The following TRPM6 variants were observed in gnomAD, a reference collection of about 807,000 sequenced individuals.
TRPM6 encodes transient receptor potential cation channel subfamily M member 6.
TRPM6 carries 111 observed loss-of-function variants against 247.6 expected under a neutral mutation model. The ratio of observed to expected loss-of-function variants is 0.45; its 90% CI spans 0.38 to 0.52. The LOEUF is 0.52. Ranked by LOEUF, TRPM6 falls within the 20% of genes least tolerant of loss-of-function variation. The pLI, the probability that TRPM6 is intolerant of heterozygous loss-of-function variation, is 0.00. For missense variants in TRPM6, 2,126 were observed against 2,421.5 expected (o/e 0.88, Z 2.56); for synonymous variants, 892 against 853.8 (o/e 1.04, Z -0.78).
chr9:74,872,530 A>C (rs191486899), intron 1 of TRPM6, among the ~76,000 whole-genome samples: 1 of 152,190 alleles, frequency 6.6e-6, no homozygotes, highest in East Asian at 1.9e-4. Flanking sequence ...CGCAATGCTC[A>C]AGCAATTCTC....
intron 13 of TRPM6, 32 bp from the exon 14 acceptor site, chr9:74,808,206 T>C (rs775633802): frequency 1.1e-5 from 18 of 1,613,378 alleles, no homozygotes; most frequent in African/African-American, 2.7e-5. Flanking sequence ...ACTTTTAACT[T>C]TTAGTTATCT....
chr9:74,852,780 C>T (rs1021336160), intron 3 of TRPM6, among the ~76,000 whole-genome samples: 1 of 152,182 alleles, frequency 6.6e-6, no homozygotes, highest in Non-Finnish European at 1.5e-5. Context: ...GACGGAGTCT[C>T]GCTCACTCAG....
intron 1 of TRPM6, among the ~76,000 whole-genome samples, chr9:74,868,057 G>A (rs995997852): frequency 6.6e-6 from 1 of 151,492 alleles, no homozygotes; most frequent in Non-Finnish European, 1.5e-5. Flanking sequence ...AGGAGGCTGA[G>A]GCAGGAGAAT....
In TRPM6 at chr9:74,724,474, T is replaced by G; in HGVS notation, c.*139A>C. 7.9e-7 allele frequency: 1 copy of G among 1,272,782 alleles called. No homozygotes were observed. Among genetic ancestry groups the G allele is most frequent in the Non-Finnish European group, 1.1e-6 (1 of 882,308 alleles). 78.8% of individuals were successfully genotyped at this position (1,272,782 alleles called of 1,614,324 possible). ...ATTGATCATATACCAATGAGGCCTTTGAACAGAAGGAGATGTGAGGCTCAG... is the reference window on the plus strand; with the variant it reads ...ATTGATCATATACCAATGAGGCCTTGGAACAGAAGGAGATGTGAGGCTCAG... On this transcript the variant is annotated 3_prime_UTR_variant, in exon 39 of 39. Transcript: ENST00000360774.
chr9:74,836,750 G>C (rs1235555115), intron 5 of TRPM6, among the ~76,000 whole-genome samples: 1 of 152,156 alleles, frequency 6.6e-6, no homozygotes, highest in Admixed American at 6.5e-5. Flanking sequence ...TGCAGTCCCT[G>C]TCCCCTGCCA....
At chr9:74,853,208 C>T (rs1456779696) in intron 3 of TRPM6, among the ~76,000 whole-genome samples, 5 of 151,516 alleles carry the variant, frequency 3.3e-5, no homozygotes, top group Non-Finnish European at 7.4e-5. Context: ...GAAGCCCCTC[C>T]GCCCGGCAGC....
At chr9:74,797,363 A>T (rs1828135234) in intron 17 of TRPM6, among the ~76,000 whole-genome samples, 1 of 152,210 alleles carries the variant, frequency 6.6e-6, no homozygotes. Flanking sequence ...AGGATACCAA[A>T]ATCTGAGGCT....
At position 74,827,878 on chromosome 9, in the gene TRPM6, G is replaced by A. The variant is rs879040180; in HGVS notation, c.741C>T (p.His247=). The change falls in exon 7 of 39, where the codon CAC becomes CAT. Residue 247 remains histidine, a synonymous_variant. Transcript: ENST00000360774. ...KLTTLNSMHS[H]FILSDDGTVG... is the part of the protein sequence containing the mutation. ...CGGTCCCATCATCAGACAGGATGAAGTGCGAGTGCATGCTGTTGAGTGTTG... is the reference window on the plus strand; with the variant it reads ...CGGTCCCATCATCAGACAGGATGAAATGCGAGTGCATGCTGTTGAGTGTTG... 13 of 1,614,002 alleles carry A rather than the reference G, an allele frequency of 8.1e-6. No individual in the cohort carries two copies. The Admixed American group carries it at 1.8e-4, about 23-fold the overall frequency.
At chr9:74,839,777 G>A (rs1829853741) in intron 5 of TRPM6, among the ~76,000 whole-genome samples, 1 of 151,318 alleles carries the variant, frequency 6.6e-6, no homozygotes, top group Admixed American at 6.6e-5. Context: ...ACATATCCTA[G>A]GAGTGCTACA....
At chr9:74,725,359 T>G (rs148420405) in intron 38 of TRPM6, among the ~76,000 whole-genome samples, 9 of 152,276 alleles carry the variant, frequency 5.9e-5, no homozygotes, top group African/African-American at 2.2e-4. Context: ...GCCTAGAACA[T>G]GTATTTCTTA....
intron 3 of TRPM6, among the ~76,000 whole-genome samples, chr9:74,846,292 TTC>T (rs1400887380): frequency 6.6e-6 from 1 of 152,208 alleles, no homozygotes; most frequent in Non-Finnish European, 1.5e-5. Context: ...AATTGTTTGC[TTC>T]TTTTTTTTCC....
intron 14 of TRPM6, among the ~76,000 whole-genome samples, chr9:74,806,412 C>T (rs1828529347): frequency 6.6e-6 from 1 of 152,154 alleles, no homozygotes; most frequent in African/African-American, 2.4e-5. Context: ...AGGCGTGAGC[C>T]ACCATGCCCA....
At chr9:74,736,694 C>T (rs1825707129) in intron 36 of TRPM6, among the ~76,000 whole-genome samples, 1 of 152,208 alleles carries the variant, frequency 6.6e-6, no homozygotes, top group Non-Finnish European at 1.5e-5. Flanking sequence ...CTCTTTCCTT[C>T]TTTGAAGGTC....
intron 7 of TRPM6, among the ~76,000 whole-genome samples, chr9:74,824,896 T>TA (rs893988404): frequency 3.2e-4 from 48 of 151,482 alleles, no homozygotes; most frequent in African/African-American, 8.3e-4. Flanking sequence ...TTTTTTTTTT[T>TA]AAAGTATTCT....
chr9:74,731,178 T>C (rs868530236), intron 37 of TRPM6, among the ~76,000 whole-genome samples: 1 of 152,184 alleles, frequency 6.6e-6, no homozygotes, highest in Admixed American at 6.5e-5. Flanking sequence ...TTCTAAATGA[T>C]AGAATATTCA....
chr9:74,832,904 T>C (rs553328701), intron 6 of TRPM6, among the ~76,000 whole-genome samples: 1 of 151,898 alleles, frequency 6.6e-6, no homozygotes, highest in African/African-American at 2.4e-5. Flanking sequence ...TACAAAAATT[T>C]GCCGGGCCTG....
At chr9:74,850,742 CA>C (rs1011916625) in intron 3 of TRPM6, among the ~76,000 whole-genome samples, 9 of 151,012 alleles carry the variant, frequency 6.0e-5, no homozygotes, top group South Asian at 2.1e-4. Flanking sequence ...AAAAAACAAA[CA>C]AAAAAAAGGC....
intron 36 of TRPM6, among the ~76,000 whole-genome samples, chr9:74,737,018 CACAA>C (rs1257465236): frequency 6.6e-6 from 1 of 152,068 alleles, no homozygotes. Flanking sequence ...AAACTCAAAG[CACAA>C]ACAGTCAAAT....
chr9:74,755,279 C>A, intron 28 of TRPM6, 74 bp downstream of exon 28: 1 of 1,507,446 alleles, frequency 6.6e-7, no homozygotes. Context: ...GAGGAACCGC[C>A]AATGGTCTAA....
Sources: gnomAD v4.1 joint callset for allele counts (sites outside exome capture counted in the v4.1 genomes callset) on GRCh38, gnomAD v4.1.1 for gene constraint, MANE v1.5 for transcripts, NCBI Gene and HGNC (gene_info 2026-07-23, HGNC 2026-07-21) for gene names.